The following MAML2 variants were observed in gnomAD, a reference collection of about 807,000 sequenced individuals.
MAML2 encodes the protein mastermind like transcriptional coactivator 2.
MAML2 carries 22 observed loss-of-function variants against 96.1 expected under a neutral mutation model. That is an observed-to-expected ratio of 0.23 (90% confidence interval 0.16 to 0.33). MAML2 has a LOEUF of 0.33. Among genes scored for constraint, MAML2 ranks in the 10% least tolerant of loss-of-function variants. The pLI is 1.00. For synonymous variants in MAML2, 561 were observed against 521.3 expected, an observed-to-expected ratio of 1.08 and a Z score of -1.04; for missense variants, 1,367 against 1,392.4, an observed-to-expected ratio of 0.98 and a Z score of 0.29.
In MAML2 at chr11:96,239,651, C is replaced by T. The variant is rs189542748; in HGVS notation, c.513+101732G>A. The stretch of plus-strand genomic sequence containing the variant: ...GAAACCTTGGTTTCAAATTTGGGGG[C>T]TACCATTTACTAACTGTCCACTTGG... On this transcript the variant is annotated intron_variant, in intron 1 of 4. Transcript: ENST00000524717. 4.2e-3 allele frequency among the ~76,000 whole-genome samples: 646 copies of T among 152,230 alleles called. 4 individuals are homozygous for T. The highest frequency in any genetic ancestry group is 9.3e-3 in the South Asian group (45 of 4,830).
intron 1 of MAML2, among the ~76,000 whole-genome samples, chr11:96,255,344 A>G (rs1196934346): frequency 6.6e-6 from 1 of 152,214 alleles, no homozygotes; most frequent in Non-Finnish European, 1.5e-5. Flanking sequence ...ATTTCAGTGA[A>G]TCTTGTAACA....
intron 2 of MAML2, among the ~76,000 whole-genome samples, chr11:96,049,254 A>G (rs1858954178): frequency 6.6e-6 from 1 of 152,198 alleles, no homozygotes; most frequent in South Asian, 2.1e-4. Flanking sequence ...TGTCCTTTTA[A>G]AATCATTTGT....
At position 96,091,991 on chromosome 11, in the gene MAML2, T is replaced by C. The variant is rs200471313; in HGVS notation, c.2040A>G (p.Leu680=). The C allele has an allele frequency of 6.0e-5, 96 of 1,593,962 alleles. No individual in the cohort carries two copies. Among genetic ancestry groups the C allele is most frequent in the Admixed American group, 8.8e-5 (5 of 56,516 alleles). The change falls in exon 2 of 5, where the codon CTA becomes CTG. Residue 680 remains leucine, a synonymous_variant. Transcript: ENST00000524717. ...PAQSLPSQPL[L]RSPLPLQQKL... Reference sequence around the variant, plus strand: ...TTTGCTGAAGTGGCAAAGGTGACCTTAGCAAAGGCTGGCTTGGTAGAGATT... The same window carrying C: ...TTTGCTGAAGTGGCAAAGGTGACCTCAGCAAAGGCTGGCTTGGTAGAGATT...
intron 1 of MAML2, among the ~76,000 whole-genome samples, chr11:96,306,562 G>A (rs754555306): frequency 2.0e-5 from 3 of 152,170 alleles, no homozygotes; most frequent in South Asian, 4.1e-4. Context: ...GTTAGACAAC[G>A]ACTGAACATC....
intron 1 of MAML2, among the ~76,000 whole-genome samples, chr11:96,128,464 A>G (rs958439693): frequency 6.6e-6 from 1 of 152,040 alleles, no homozygotes; most frequent in Non-Finnish European, 1.5e-5. Flanking sequence ...TTGTTTCATC[A>G]TTTGCTTATT....
intron 1 of MAML2, among the ~76,000 whole-genome samples, chr11:96,101,885 T>C (rs1427752887): frequency 2.6e-5 from 4 of 152,240 alleles, no homozygotes; most frequent in Non-Finnish European, 5.9e-5. Context: ...GATACTTATT[T>C]AGCACCAGCT....
At chr11:96,239,254 A>G (rs1334653958) in intron 1 of MAML2, among the ~76,000 whole-genome samples, 1 of 152,222 alleles carries the variant, frequency 6.6e-6, no homozygotes, top group Non-Finnish European at 1.5e-5. Flanking sequence ...AGGAGACAGA[A>G]AAAGCTCTAG....
intron 1 of MAML2, among the ~76,000 whole-genome samples, chr11:96,135,545 C>CTTTTTTTTT (rs10665067): frequency 7.2e-6 from 1 of 139,542 alleles, no homozygotes; most frequent in Non-Finnish European, 1.5e-5. Flanking sequence ...CAATCCAAGG[C>CTTTTTTTTT]TTTTTTTTTT....
At chr11:96,236,898 G>T (rs1591088492) in intron 1 of MAML2, among the ~76,000 whole-genome samples, 1 of 151,980 alleles carries the variant, frequency 6.6e-6, no homozygotes, top group South Asian at 2.1e-4. Context: ...GCTTTTCTTT[G>T]CAAGAAAAAG....
At chr11:96,088,418 AC>A (rs2135805703) in intron 2 of MAML2, among the ~76,000 whole-genome samples, 1 of 152,308 alleles carries the variant, frequency 6.6e-6, no homozygotes, top group East Asian at 1.9e-4. Flanking sequence ...AGAGGTAAGC[AC>A]TTTTGGCTTA....
At chr11:96,279,095 T>C (rs1166537222) in intron 1 of MAML2, among the ~76,000 whole-genome samples, 1 of 143,712 alleles carries the variant, frequency 7.0e-6, no homozygotes, top group Non-Finnish European at 1.6e-5. Context: ...ACTGATTGAC[T>C]GACATGAAGA....
intron 1 of MAML2, among the ~76,000 whole-genome samples, chr11:96,155,713 C>T (rs922885154): frequency 6.6e-6 from 1 of 151,080 alleles, no homozygotes; most frequent in South Asian, 2.1e-4. Context: ...AAGAACTGTC[C>T]CTGCCCCGCC....
chr11:96,133,428 C>T (rs1186909938), intron 1 of MAML2, among the ~76,000 whole-genome samples: 2 of 152,036 alleles, frequency 1.3e-5, no homozygotes, highest in Non-Finnish European at 2.9e-5. Flanking sequence ...TGCTATTTTT[C>T]AGCCATTTAC....
intron 1 of MAML2, among the ~76,000 whole-genome samples, chr11:96,340,024 A>G (rs1863971182): frequency 1.3e-5 from 2 of 152,222 alleles, no homozygotes; most frequent in African/African-American, 4.8e-5. Context: ...GCTGGCCTCA[A>G]GGAGTCCCAT....
intron 1 of MAML2, among the ~76,000 whole-genome samples, chr11:96,291,236 C>T (rs1048538973): frequency 6.7e-5 from 10 of 150,262 alleles, no homozygotes; most frequent in Admixed American, 6.0e-4. Context: ...AGCAATTCTC[C>T]TGCCTCAGCC....
At chr11:96,213,132 C>A (rs1445745548) in intron 1 of MAML2, among the ~76,000 whole-genome samples, 3 of 152,176 alleles carry the variant, frequency 2.0e-5, no homozygotes, top group Admixed American at 2.0e-4. Context: ...CTGACCCACA[C>A]AGGAAAAGAG....
At chr11:96,011,445 C>A (rs505329) in intron 2 of MAML2, among the ~76,000 whole-genome samples, 57,358 of 151,914 alleles carry the variant, frequency 0.38, 11,367 homozygotes, top group South Asian at 0.54. Context: ...GGAGGCCATT[C>A]TTGTAAGTGA....
intron 1 of MAML2, among the ~76,000 whole-genome samples, chr11:96,136,917 G>C (rs987520178): frequency 6.6e-6 from 1 of 152,164 alleles, no homozygotes; most frequent in Non-Finnish European, 1.5e-5. Flanking sequence ...ACATCTTTGA[G>C]GGGTTATAAT....
At chr11:96,210,853 C>T (rs1183541898) in intron 1 of MAML2, among the ~76,000 whole-genome samples, 1 of 152,188 alleles carries the variant, frequency 6.6e-6, no homozygotes. Flanking sequence ...CAACTTTTCA[C>T]ACTATTTTAC....
Sources: allele counts gnomAD v4.1 joint callset (sites outside exome capture counted in the v4.1 genomes callset), GRCh38; gene constraint gnomAD v4.1.1; transcripts MANE v1.5; gene names NCBI Gene and HGNC (gene_info 2026-07-23, HGNC 2026-07-21).